The following PTPRS variants were observed in gnomAD, a reference collection of about 807,000 sequenced individuals.
PTPRS encodes the protein protein tyrosine phosphatase receptor type S, also known as receptor-type tyrosine-protein phosphatase S.
Under a neutral mutation model 215.3 loss-of-function variants are expected in PTPRS, and 63 were observed. The ratio of observed to expected loss-of-function variants is 0.29; its 90% CI spans 0.24 to 0.36. The LOEUF (loss-of-function observed/expected upper bound fraction) is 0.36, where lower values mean the gene tolerates loss of function less well. PTPRS is among the 10% of genes least tolerant of loss of function. The pLI is 1.00. For missense variants in PTPRS, 2,258 were observed against 2,825.8 expected, an observed-to-expected ratio of 0.80 and a Z score of 4.56; for synonymous variants, 1,404 against 1,191.4, an observed-to-expected ratio of 1.18 and a Z score of -3.68.
chr19:5,211,840 G>C, intron 32 of PTPRS, 72 bp from the exon 33 acceptor site: 2 of 1,586,670 alleles, frequency 1.3e-6, no homozygotes, highest in Non-Finnish European at 8.6e-7. Context: ...AGCACCAATG[G>C]TGGATAGGTA....
At position 5,237,944 on chromosome 19, in the gene PTPRS, G is replaced by A. The variant is rs1180471267; in HGVS notation, c.1849+975C>T. 6.6e-6 allele frequency among the ~76,000 whole-genome samples: 1 copy of A among 152,124 alleles called. No individual in the cohort carries two copies. Among genetic ancestry groups the A allele is most frequent in the African/African-American group, 2.4e-5 (1 of 41,434 alleles). On this transcript the variant is annotated intron_variant, in intron 13 of 37. Transcript: ENST00000262963. This position sits in a 1 kb window ranked among gnomAD's most constrained non-coding sequence, Gnocchi z 4.2. ...TGGAGTTGATGTTAACCCTTCGACT[G>A]ATCCGAGATGCCCCTGTGTACACAC...
chr19:5,267,660 A>G (rs79433660), intron 4 of PTPRS, among the ~76,000 whole-genome samples: 1 of 148,190 alleles, frequency 6.7e-6, no homozygotes, highest in Non-Finnish European at 1.5e-5. Context: ...GTCTCAAAAA[A>G]AAAAAAAAAA....
chr19:5,229,913 C>T (rs558673355), intron 14 of PTPRS, among the ~76,000 whole-genome samples: 1 of 151,968 alleles, frequency 6.6e-6, no homozygotes, highest in African/African-American at 2.4e-5. Flanking sequence ...CTGCCCCCCC[C>T]CGAGTCTAAA....
intron 23 of PTPRS, 155 bp downstream of exon 23, chr19:5,219,155 G>A: frequency 9.8e-7 from 1 of 1,018,872 alleles, no homozygotes; most frequent in Non-Finnish European, 1.4e-6. Flanking sequence ...CCCATGCTGT[G>A]TGACCTTGAT....
chr19:5,224,780 G>A (rs142477491), intron 17 of PTPRS, among the ~76,000 whole-genome samples: 321 of 152,264 alleles, frequency 2.1e-3, no homozygotes, highest in Non-Finnish European at 2.9e-3. Context: ...AGGAGGTGGC[G>A]TTAGAGCTGG....
At chr19:5,209,673 C>T (rs912198070) in intron 35 of PTPRS, among the ~76,000 whole-genome samples, 1 of 152,150 alleles carries the variant, frequency 6.6e-6, no homozygotes, top group African/African-American at 2.4e-5. Context: ...TGTCTTCCTC[C>T]ATCCATCACT....
At chr19:5,323,404 C>A (rs2050083925) in intron 1 of PTPRS, among the ~76,000 whole-genome samples, 1 of 152,184 alleles carries the variant, frequency 6.6e-6, no homozygotes, top group Non-Finnish European at 1.5e-5. Flanking sequence ...GTGGCAAGGG[C>A]TTTGAGTCAA....
rs773920614 is a variant in PTPRS at position 5,258,050 on chromosome 19, G to A, written c.673C>T (p.Arg225Cys). 13 of 1,614,018 alleles carry A rather than the reference G, an allele frequency of 8.1e-6. No individual in the cohort carries two copies. The highest frequency in any genetic ancestry group is 5.9e-6 in the Non-Finnish European group (7 of 1,180,020). Residue 225 changes from arginine to cysteine, a missense_variant, in exon 8 of 38, where the codon CGC becomes TGC. Coordinates refer to ENST00000262963, the MANE Select transcript of PTPRS (RefSeq NM_002850.4). Reference protein sequence around the residue: ...ECVATNSAGVRYSSPANLYVR... With the variant: ...ECVATNSAGVCYSSPANLYVR... ...TAGAGGTTGGCAGGTGAGGAGTAGC[G>A]CACGCCGGCGCTGTTGGTGGCCACA... is the stretch of plus-strand genomic sequence containing the variant.
chr19:5,317,423 G>A (rs570676194), intron 1 of PTPRS, among the ~76,000 whole-genome samples: 4 of 152,306 alleles, frequency 2.6e-5, no homozygotes, highest in African/African-American at 9.6e-5. Context: ...AGTGAGTCGA[G>A]ATTGTGCCAC....
At chr19:5,332,700 C>T (rs117728699) in intron 1 of PTPRS, among the ~76,000 whole-genome samples, 2,594 of 152,330 alleles carry the variant, frequency 0.017, 30 homozygotes, top group Middle Eastern at 0.031. Context: ...GGCAGGCAGG[C>T]ATGGCTGTGT....
chr19:5,292,955 T>TG lies in PTPRS; in HGVS notation c.-94-6722dup, dbSNP rs555018887. 1.3e-4 allele frequency among the ~76,000 whole-genome samples: 19 copies of TG among 151,000 alleles called. No homozygotes were observed. In the East Asian group the frequency reaches 2.4e-3, roughly 19 times the overall value. ...CCAAAGTGCAAGCGACGGGCCTGAA[T>TG]GGGGGGGCGCCAGGCAGCAGCAGGC... On this transcript the variant is annotated intron_variant, in intron 1 of 37. Coordinates refer to ENST00000262963, the MANE Select transcript of PTPRS (RefSeq NM_002850.4).
chr19:5,263,178 G>A (rs558783248), intron 5 of PTPRS, among the ~76,000 whole-genome samples: 46 of 152,172 alleles, frequency 3.0e-4, no homozygotes, highest in Middle Eastern at 3.4e-3. Flanking sequence ...TCCTGGAGAG[G>A]TCACCAGAAC....
In PTPRS at chr19:5,231,611, C is replaced by T. The variant is rs1421053171; in HGVS notation, c.1854G>A (p.Pro618=). 1.0e-5 allele frequency: 13 copies of T among 1,286,602 alleles called. No individual in the cohort carries two copies. The highest frequency in any genetic ancestry group is 1.2e-5 in the Non-Finnish European group (12 of 985,320). 79.7% of individuals were successfully genotyped at this position (1,286,602 alleles called of 1,614,324 possible). The change falls in exon 14 of 38, where the codon CCG becomes CCA. Residue 618 remains proline (P), a synonymous_variant. Coordinates refer to ENST00000262963, the MANE Select transcript of PTPRS (RefSeq NM_002850.4). ...ATTTAACGTCTTGAGGGGGGGCTGA[C>T]GGTTCTATTGGAGGGGGGGAGAACG... ...VVRQRTLQSK[P]SAPPQDVKCV...
In PTPRS at chr19:5,206,787, T is replaced by C; in HGVS notation, c.5834A>G (p.His1945Arg). The C allele has an allele frequency of 6.2e-7, 1 of 1,613,900 alleles. No homozygotes were observed. The highest frequency in any genetic ancestry group is 1.1e-5 in the South Asian group (1 of 91,066). The part of the protein sequence containing the change: ...AALEYLGSFD[H>R]YAT ...GGAACCATGGCTTTAGGTTGCATAG[T>C]GGTCAAAGCTTCCGAGGTACTCCAG... The change falls in exon 38 of 38, where the codon CAC becomes CGC. Residue 1945 changes from histidine (H) to arginine (R), a missense_variant. His to Arg is a conservative substitution (Grantham distance 29). This residue lies in a region of PTPRS where 89 missense variants were observed against 104.0 expected (regional missense o/e 0.86). Coordinates refer to ENST00000262963, the MANE Select transcript of PTPRS (RefSeq NM_002850.4).
In PTPRS at chr19:5,220,980, G is replaced by C; in HGVS notation, c.3455+20C>G. 6.3e-7 allele frequency: 1 copy of C among 1,587,226 alleles called. No homozygotes were observed. Among genetic ancestry groups the C allele is most frequent in the East Asian group, 2.2e-5 (1 of 44,454 alleles). ...GCTGATGGGGGTGACAAGGAACCCG[G>C]AGCATGGGGGTGAGCATACTGGACA... is the stretch of plus-strand genomic sequence containing the variant. On this transcript the variant is annotated intron_variant, in intron 20 of 37. Coordinates refer to ENST00000262963, the MANE Select transcript of PTPRS (RefSeq NM_002850.4).
chr19:5,289,550 G>A (rs368265681), intron 1 of PTPRS, among the ~76,000 whole-genome samples: 18 of 152,170 alleles, frequency 1.2e-4, no homozygotes, highest in East Asian at 1.2e-3. Flanking sequence ...GGTCCTGCAC[G>A]ACCTGCCCTG....
chr19:5,266,336 C>G (rs1408565581), intron 4 of PTPRS, among the ~76,000 whole-genome samples: 1 of 152,054 alleles, frequency 6.6e-6, no homozygotes, highest in Non-Finnish European at 1.5e-5. Flanking sequence ...CCAGATTGGT[C>G]TCGACCTCCT....
At chr19:5,207,401 T>G (rs1299244535) in intron 37 of PTPRS, among the ~76,000 whole-genome samples, 1 of 152,216 alleles carries the variant, frequency 6.6e-6, no homozygotes, top group Non-Finnish European at 1.5e-5. Flanking sequence ...CTATTTTTTT[T>G]GTAGAGATGG....
chr19:5,222,572 G>T, intron 18 of PTPRS, 117 bp downstream of exon 18: 3 of 1,211,794 alleles, frequency 2.5e-6, no homozygotes, highest in Non-Finnish European at 3.3e-6. Flanking sequence ...TGCCTTGAGT[G>T]ACCACGAGGA....
Sources: allele counts gnomAD v4.1 joint callset (sites outside exome capture counted in the v4.1 genomes callset), GRCh38; gene constraint gnomAD v4.1.1; regional missense constraint gnomAD v4.1.1; non-coding constraint Gnocchi (gnomAD v3.1); transcripts MANE v1.5; gene names NCBI Gene and HGNC (gene_info 2026-07-23, HGNC 2026-07-21).